Variants in JPH3 observed in about 807,000 individuals in gnomAD.
JPH3 encodes junctophilin-3.
A neutral mutation model predicts 59.6 loss-of-function variants in JPH3; 11 were observed. The observed-to-expected ratio is 0.18, with a 90% CI of 0.12 to 0.31. JPH3 has a LOEUF of 0.31. Among genes scored for constraint, JPH3 ranks in the 10% least tolerant of loss-of-function variants. The probability of loss-of-function intolerance (pLI) is 1.00; values close to 1 mark genes in which losing one functional copy is unlikely to be tolerated. For synonymous variants in JPH3, 673 were observed against 483.6 expected (o/e 1.39, Z -5.14); for missense variants, 1,202 against 1,105.7 (o/e 1.09, Z -1.24).
rs201180818 is a variant in JPH3, at chr16:87,644,442, G to A, written c.567G>A (p.Pro189=). The part of the protein sequence containing the change: ...PDASPAVAGS[P]AVSRGGFVLV... ...CCTCTCCGGCGGTGGCCGGCAGCCC[G>A]GCCGTGTCCCGCGGGGGCTTCGTGC... Residue 189 remains proline, a synonymous_variant, in exon 2 of 5, where the codon CCG becomes CCA. Transcript: ENST00000284262. The A allele has an allele frequency of 4.5e-5, 72 of 1,612,280 alleles. No individual in the cohort carries two copies. In the East Asian group the frequency reaches 1.1e-3, roughly 24 times the overall value.
At chr16:87,695,896 G>T (rs1047736932) in intron 4 of JPH3, 1 of 455,944 alleles carries the variant, frequency 2.2e-6, no homozygotes, top group Non-Finnish European at 4.4e-6. Flanking sequence ...GCTGAAGGGG[G>T]AGTCTGGCAC....
intron 2 of JPH3, among the ~76,000 whole-genome samples, chr16:87,663,812 A>T: frequency 6.6e-6 from 1 of 152,132 alleles, no homozygotes; most frequent in East Asian, 1.9e-4. Flanking sequence ...GAACCCCTTG[A>T]CATGTGAAGC....
intron 3 of JPH3, 49 bp from the exon 4 acceptor site, chr16:87,689,597 G>A: frequency 6.3e-7 from 1 of 1,589,368 alleles, no homozygotes; most frequent in Non-Finnish European, 8.6e-7. Flanking sequence ...GCCTCGCTGT[G>A]GAATGTGCTG....
intron 2 of JPH3, among the ~76,000 whole-genome samples, chr16:87,675,739 A>C (rs2033127562): frequency 6.6e-6 from 1 of 152,232 alleles, no homozygotes; most frequent in Non-Finnish European, 1.5e-5. Flanking sequence ...CAGCTGCAGC[A>C]GGAAGCAGGT....
At chr16:87,683,890 G>A (rs1483383337) in intron 2 of JPH3, 15 of 463,562 alleles carry the variant, frequency 3.2e-5, no homozygotes, top group Non-Finnish European at 1.5e-5. Context: ...ACAGGCGTGA[G>A]CCACCATGCC....
At chr16:87,686,727 C>T (rs2033427959) in intron 3 of JPH3, among the ~76,000 whole-genome samples, 1 of 152,216 alleles carries the variant, frequency 6.6e-6, no homozygotes, top group African/African-American at 2.4e-5. Context: ...AGAGGAGATG[C>T]TTCCTGGAGG....
chr16:87,630,952 G>A (rs1317963222), intron 1 of JPH3, among the ~76,000 whole-genome samples: 1 of 152,174 alleles, frequency 6.6e-6, no homozygotes, highest in African/African-American at 2.4e-5. Flanking sequence ...TTACTGCTGA[G>A]CCAGGCAATG....
Position 87,610,191 on chromosome 16 carries a change from A to C in JPH3, c.382+6663A>C, listed in dbSNP as rs550094652. On this transcript the variant is annotated intron_variant, in intron 1 of 4. Transcript: ENST00000284262. ...AATGCAAGCGTTGGAGAGCGGCTGT[A>C]AATACAGACGAAGCTTCACTTGCTT... 2.6e-5 allele frequency among the ~76,000 whole-genome samples: 4 copies of C among 152,356 alleles called. No individual in the cohort carries two copies. In the South Asian group the frequency reaches 8.3e-4, roughly 32 times the overall value.
rs529337739 is a variant in JPH3, at chr16:87,642,726, G to C, written c.383-1532G>C. On this transcript the variant is annotated intron_variant, in intron 1 of 4. Transcript: ENST00000284262. ...TTTGCCGCGTTGGGCGTCGTGCTGA[G>C]GCCCAGCCGTCCTCACGGTGACCTT... Among the ~76,000 whole-genome samples, 221 of 152,338 alleles carry C rather than the reference G, an allele frequency of 1.5e-3. 1 individual carries two copies. Among genetic ancestry groups the C allele is most frequent in the Admixed American group, 4.4e-3 (67 of 15,308 alleles).
At chr16:87,658,935 T>C (rs915023392) in intron 2 of JPH3, among the ~76,000 whole-genome samples, 1 of 152,258 alleles carries the variant, frequency 6.6e-6, no homozygotes, top group African/African-American at 2.4e-5. Context: ...GCTGGTGTCT[T>C]GCTGAGCAAT....
intron 2 of JPH3, among the ~76,000 whole-genome samples, chr16:87,683,339 C>G (rs935822763): frequency 6.6e-6 from 1 of 151,394 alleles, no homozygotes; most frequent in Admixed American, 6.6e-5. Flanking sequence ...GAGTCTTGCT[C>G]TGTCACCCAG....
chr16:87,677,227 A>ACACACACACACACACACACACACACAC (rs1567610816), intron 2 of JPH3, among the ~76,000 whole-genome samples: 1 of 99,118 alleles, frequency 1.0e-5, no homozygotes, highest in East Asian at 3.3e-4. Flanking sequence ...CACACACACA[A>ACACACACACACACACACACACACACAC]AAAAAAAAAT....
chr16:87,692,226 T>TCCCCGTCTCCCTCCCCGTCCCCCTCCC (rs2033608596), intron 4 of JPH3, among the ~76,000 whole-genome samples: 1 of 151,992 alleles, frequency 6.6e-6, no homozygotes, highest in Non-Finnish European at 1.5e-5. Context: ...CCCGTCTCCC[T>TCCCCGTCTCCCTCCCCGTCCCCCTCCC]CCCCACAGCT....
At chr16:87,626,967 C>T (rs1339830019) in intron 1 of JPH3, among the ~76,000 whole-genome samples, 1 of 152,088 alleles carries the variant, frequency 6.6e-6, no homozygotes, top group Admixed American at 6.5e-5. Flanking sequence ...ATAGTGAAGC[C>T]CCATCTCTAT....
chr16:87,654,954 G>C (rs143013671), intron 2 of JPH3: 13 of 152,236 alleles, frequency 8.5e-5, no homozygotes, highest in African/African-American at 3.1e-4. Context: ...GTGCGGCTCC[G>C]GGAAAACGCT....
chr16:87,610,136 T>C (rs2030677795), intron 1 of JPH3, among the ~76,000 whole-genome samples: 1 of 152,224 alleles, frequency 6.6e-6, no homozygotes, highest in South Asian at 2.1e-4. Context: ...ATGCTGCTGC[T>C]GATCTCACAG....
chr16:87,619,130 A>G (rs1277167304), intron 1 of JPH3, among the ~76,000 whole-genome samples: 4 of 151,776 alleles, frequency 2.6e-5, no homozygotes, highest in Non-Finnish European at 2.9e-5. Flanking sequence ...AGCCTGGGCA[A>G]CATGGCAAAA....
At chr16:87,625,350 G>A (rs2031332854) in intron 1 of JPH3, among the ~76,000 whole-genome samples, 1 of 152,142 alleles carries the variant, frequency 6.6e-6, no homozygotes, top group Non-Finnish European at 1.5e-5. Context: ...CCCTCCTCGG[G>A]GGTCCTGGCC....
At chr16:87,637,077 C>A (rs944383212) in intron 1 of JPH3, among the ~76,000 whole-genome samples, 9 of 152,338 alleles carry the variant, frequency 5.9e-5, no homozygotes, top group East Asian at 1.9e-4. Flanking sequence ...GTTCTCAAAG[C>A]CCCTAGGATT....
Sources: gnomAD v4.1 joint callset for allele counts (sites outside exome capture counted in the v4.1 genomes callset) on GRCh38, gnomAD v4.1.1 for gene constraint, MANE v1.5 for transcripts, NCBI Gene and HGNC (gene_info 2026-07-23, HGNC 2026-07-21) for gene names.